The following CFHR2 variants were observed in gnomAD, a reference collection of about 807,000 sequenced individuals.
CFHR2 encodes complement factor H-related protein 2.
In CFHR2, 22 loss-of-function variants were observed where a neutral mutation model predicts 21.7. The ratio of observed to expected loss-of-function variants is 1.01; its 90% CI spans 0.72 to 1.45. CFHR2 has a LOEUF of 1.45. CFHR2 is among the 40% of genes most tolerant of loss of function. CFHR2 has a pLI of 0.00. For synonymous variants in CFHR2, 98 were observed against 97.4 expected, an observed-to-expected ratio of 1.01 and a Z score of -0.04; for missense variants, 294 against 293.3, an observed-to-expected ratio of 1.00 and a Z score of -0.02.
chr1:196,947,386 C>A (rs1659544671), intron 1 of CFHR2, among the ~76,000 whole-genome samples: 1 of 152,080 alleles, frequency 6.6e-6, no homozygotes, highest in East Asian at 1.9e-4. Flanking sequence ...TTCTGGATAG[C>A]AAAGAATATG....
At chr1:196,955,441 A>G (rs1489666117) in intron 3 of CFHR2, among the ~76,000 whole-genome samples, 1 of 152,116 alleles carries the variant, frequency 6.6e-6, no homozygotes, top group Non-Finnish European at 1.5e-5. Flanking sequence ...CCAGTTCCAA[A>G]GTCACTTCCA....
intron 3 of CFHR2, among the ~76,000 whole-genome samples, chr1:196,955,900 A>G (rs1370717763): frequency 1.3e-5 from 2 of 152,186 alleles, no homozygotes; most frequent in African/African-American, 4.8e-5. Flanking sequence ...TCACAGTTCC[A>G]CATGGCTGTG....
chr1:196,946,490 AAAGATTT>A (rs1659491899), intron 1 of CFHR2, among the ~76,000 whole-genome samples: 1 of 152,190 alleles, frequency 6.6e-6, no homozygotes, highest in Non-Finnish European at 1.5e-5. Flanking sequence ...GAGATGTACA[AAAGATTT>A]TTTCTTTCTG....
intron 1 of CFHR2, among the ~76,000 whole-genome samples, chr1:196,948,886 T>A (rs1035708687): frequency 6.6e-6 from 1 of 152,244 alleles, no homozygotes; most frequent in African/African-American, 2.4e-5. Context: ...TTCTTAGTGA[T>A]TTTCTTATAT....
chr1:196,957,501 A>T (rs1468103450), intron 3 of CFHR2, among the ~76,000 whole-genome samples: 1 of 152,126 alleles, frequency 6.6e-6, no homozygotes, highest in East Asian at 1.9e-4. Context: ...CCAGGAGTTA[A>T]TGTTTCTTTT....
chr1:196,944,919 C>T (rs550420457), intron 1 of CFHR2, among the ~76,000 whole-genome samples: 1 of 149,384 alleles, frequency 6.7e-6, no homozygotes, highest in South Asian at 2.2e-4. Context: ...TCTTGTTTCC[C>T]AGGCTGGAGT....
At chr1:196,955,142 CCA>C (rs1186259678) in intron 3 of CFHR2, among the ~76,000 whole-genome samples, 7 of 152,196 alleles carry the variant, frequency 4.6e-5, no homozygotes, top group Non-Finnish European at 8.8e-5. Context: ...ATTTCCTACT[CCA>C]GTTACCCTAA....
rs1409402579 is a variant in CFHR2 at position 196,950,967 on chromosome 1, T to G, written c.369T>G (p.Asn123Lys). 3.1e-6 allele frequency: 5 copies of G among 1,614,100 alleles called. No homozygotes were observed. The highest frequency in any genetic ancestry group is 3.3e-4 in the Middle Eastern group (2 of 6,060). ...ICNTGYRLQN[N>K]ENNISCVERG... ...ACACAGGATACAGACTTCAAAACAATGAGAACAACATTTCATGTGTAGAAC... is the reference window on the plus strand; with the variant it reads ...ACACAGGATACAGACTTCAAAACAAGGAGAACAACATTTCATGTGTAGAAC... The change falls in exon 3 of 5, where the codon AAT becomes AAG. Residue 123 changes from asparagine to lysine, a missense_variant. Coordinates refer to ENST00000367415, the MANE Select transcript of CFHR2 (RefSeq NM_005666.4).
chr1:196,953,750 C>T (rs1652749555), intron 3 of CFHR2, among the ~76,000 whole-genome samples: 1 of 152,100 alleles, frequency 6.6e-6, no homozygotes, highest in Non-Finnish European at 1.5e-5. Flanking sequence ...CTTGAGTAAA[C>T]TGCAATCAAA....
At chr1:196,949,290 T>C in intron 1 of CFHR2, 165 bp from the exon 2 acceptor site, 1 of 632,328 alleles carries the variant, frequency 1.6e-6, no homozygotes, top group Non-Finnish European at 2.7e-6. Flanking sequence ...GTACTCTTAG[T>C]TAGTGATGTC....
chr1:196,947,151 G>GTATATA (rs1659536386), intron 1 of CFHR2, among the ~76,000 whole-genome samples: 2 of 150,990 alleles, frequency 1.3e-5, no homozygotes, highest in African/African-American at 4.9e-5. Context: ...GTGTGTGTGT[G>GTATATA]TGTATCCCAG....
rs545777035 is a variant in CFHR2, at chr1:196,947,153, G to GTGTGTGTATA, written c.59-2301_59-2300insGTGTGTATAT. Among the ~76,000 whole-genome samples the GTGTGTGTATA allele has an allele frequency of 4.7e-4, 72 of 151,894 alleles. 1 individual carries two copies. The highest frequency in any genetic ancestry group is 1.7e-3 in the African/African-American group (71 of 41,410). Reference sequence around the variant, plus strand: ...TATGTGTGTGTGTGTGTGTGTGTGTGTATCCCAGAAGAAATATATTCATAA... The same window carrying GTGTGTGTATA: ...TATGTGTGTGTGTGTGTGTGTGTGTGTGTGTGTATATATCCCAGAAGAAATATATTCATAA... On this transcript the variant is annotated intron_variant, in intron 1 of 4. Transcript: ENST00000367415.
intron 3 of CFHR2, among the ~76,000 whole-genome samples, chr1:196,953,009 G>T (rs1408987644): frequency 6.6e-6 from 1 of 152,150 alleles, no homozygotes; most frequent in Non-Finnish European, 1.5e-5. Flanking sequence ...CTATGTCCAA[G>T]GTTGAATGGT....
chr1:196,957,680 C>T (rs1652943667), intron 3 of CFHR2, among the ~76,000 whole-genome samples: 2 of 152,072 alleles, frequency 1.3e-5, no homozygotes, highest in South Asian at 4.1e-4. Flanking sequence ...AAAGTGTCAT[C>T]TTTGTTAATG....
chr1:196,959,175 A>G lies in CFHR2; in HGVS notation c.*95A>G. On this transcript the variant is annotated 3_prime_UTR_variant, in exon 5 of 5. Coordinates refer to ENST00000367415, the MANE Select transcript of CFHR2 (RefSeq NM_005666.4). ...TCATTTTTCAAGTACTGTTTTACTC[A>G]TTTTTATTCATAAATAAAGTTTTGT... 1.1e-6 allele frequency: 1 copy of G among 876,604 alleles called. No individual in the cohort carries two copies. The highest frequency in any genetic ancestry group is 1.7e-6 in the Non-Finnish European group (1 of 586,490). The allele number at this position is 876,604 out of a possible 1,614,324, so 54.3% of individuals were successfully genotyped here.
rs752602456 is a variant in CFHR2 at position 196,949,462 on chromosome 1, C to T, written c.66C>T (p.Phe22=). 13 of 1,611,902 alleles carry T rather than the reference C, an allele frequency of 8.1e-6. No individual in the cohort carries two copies. Among genetic ancestry groups the T allele is most frequent in the South Asian group, 4.4e-5 (4 of 90,826 alleles). Residue 22 remains phenylalanine, a synonymous_variant, in exon 2 of 5, where the codon TTC becomes TTT. Coordinates refer to ENST00000367415, the MANE Select transcript of CFHR2 (RefSeq NM_005666.4). Reference sequence around the variant, plus strand: ...TTTGTGTTATTTTCCCAGCAATGTTCTGTGATTTTCCAAAAATAAACCATG... The same window carrying T: ...TTTGTGTTATTTTCCCAGCAATGTTTTGTGATTTTCCAAAAATAAACCATG... ...RISSVGGEAM[F]CDFPKINHGI...
chr1:196,945,254 A>G (rs961129830), intron 1 of CFHR2, among the ~76,000 whole-genome samples: 1 of 149,128 alleles, frequency 6.7e-6, no homozygotes, highest in African/African-American at 2.5e-5. Context: ...AGTGTATTTG[A>G]TTTTTCTTAA....
intron 1 of CFHR2, among the ~76,000 whole-genome samples, chr1:196,945,102 C>A (rs1399325649): frequency 3.5e-5 from 5 of 144,552 alleles, no homozygotes; most frequent in Non-Finnish European, 7.7e-5. Context: ...TCTCGAACTC[C>A]CGACCTCAGG....
At chr1:196,950,476 G>T (rs1659683603) in intron 2 of CFHR2, among the ~76,000 whole-genome samples, 1 of 151,798 alleles carries the variant, frequency 6.6e-6, no homozygotes, top group African/African-American at 2.4e-5. Context: ...GTTTTGTTTT[G>T]TTTTGTTTTG....
Sources: allele counts gnomAD v4.1 joint callset (sites outside exome capture counted in the v4.1 genomes callset), GRCh38; gene constraint gnomAD v4.1.1; transcripts MANE v1.5; gene names NCBI Gene and HGNC (gene_info 2026-07-23, HGNC 2026-07-21).